MEPCE: variants seen among roughly 807,000 people sequenced by gnomAD.
MEPCE encodes methylphosphate capping enzyme.
Under a neutral mutation model 52.3 loss-of-function variants are expected in MEPCE, and 9 were observed. The ratio of observed to expected loss-of-function variants is 0.17; its 90% CI spans 0.10 to 0.30. The LOEUF is 0.30. Among genes scored for constraint, MEPCE ranks in the 10% least tolerant of loss-of-function variants. MEPCE has a pLI of 1.00. For missense variants in MEPCE, 826 were observed against 933.0 expected (o/e 0.89, Z 1.49); for synonymous variants, 477 against 401.6 (o/e 1.19, Z -2.25).
chr7:100,429,970 C>T lies in MEPCE; in HGVS notation c.-49C>T, dbSNP rs768887223. The stretch of plus-strand genomic sequence containing the variant: ...CAGGGTCCAGGCAGGGGGGGTTAGG[C>T]CCCCTGATCCCCCTCGTTACCCCGA... On this transcript the variant is annotated 5_prime_UTR_variant, in exon 1 of 4. Coordinates refer to ENST00000310512, the MANE Select transcript of MEPCE (RefSeq NM_019606.6). 318 of 1,207,928 alleles carry T rather than the reference C, an allele frequency of 2.6e-4. 1 individual carries two copies. In the African/African-American group the frequency reaches 4.3e-3, roughly 16 times the overall value. The allele number at this position is 1,207,928 out of a possible 1,614,324, so 74.8% of individuals were successfully genotyped here. A position where few individuals can be genotyped will look rare whatever the true frequency, so the allele number is the denominator to read the frequency against.
At position 100,431,238 on chromosome 7, in the gene MEPCE, A is replaced by G. The variant is rs1382211560; in HGVS notation, c.1220A>G (p.Lys407Arg). 2 of 1,613,984 alleles carry G rather than the reference A, an allele frequency of 1.2e-6. No homozygotes were observed. Among genetic ancestry groups the G allele is most frequent in the Non-Finnish European group, 8.5e-7 (1 of 1,180,034 alleles). Residue 407 changes from lysine (K) to arginine (R), a missense_variant, in exon 1 of 4, where the codon AAA becomes AGA. By Grantham distance (26) the Lys-to-Arg change is conservative (BLOSUM62 2). Coordinates refer to ENST00000310512, the MANE Select transcript of MEPCE (RefSeq NM_019606.6). ...CACCCACTGCCTGCAGCAGGCTTCAAAAAGCAACAGCGCAAGTTCCAGTAT... is the reference window on the plus strand; with the variant it reads ...CACCCACTGCCTGCAGCAGGCTTCAGAAAGCAACAGCGCAAGTTCCAGTAT... The part of the protein sequence containing the change: ...HHHPLPAAGF[K>R]KQQRKFQYGN...
In MEPCE at chr7:100,433,860, A is replaced by G. The variant is rs932292897; in HGVS notation, c.*306A>G. 2.5e-5 allele frequency: 10 copies of G among 394,264 alleles called. No individual in the cohort carries two copies. Among genetic ancestry groups the G allele is most frequent in the Admixed American group, 8.9e-5 (2 of 22,436 alleles). The allele number at this position is 394,264 out of a possible 1,614,324, so 24.4% of individuals were successfully genotyped here. A position where few individuals can be genotyped will look rare whatever the true frequency, so the allele number is the denominator to read the frequency against. On this transcript the variant is annotated 3_prime_UTR_variant, in exon 4 of 4. Transcript: ENST00000310512. ...GGGCATGGGAGGTGGGAGGATATCA[A>G]ATTCTCTAGCCCTTTCCTCCTATTC...
chr7:100,429,721 G>A, upstream of MEPCE: 1 of 320,936 alleles, frequency 3.1e-6, no homozygotes, highest in Non-Finnish European at 5.7e-6. Context: ...GTTCCCGGGC[G>A]AAGGGAACGC....
upstream of MEPCE, chr7:100,429,769 C>T (rs927332269): frequency 1.6e-5 from 6 of 378,908 alleles, no homozygotes; most frequent in Non-Finnish European, 2.3e-5. Context: ...GTGGTAGTGG[C>T]GGAGGAGAAA....
rs182556628 is a variant in MEPCE at position 100,433,700 on chromosome 7, C to T, written c.*146C>T. ...TCTGCAAAGAAAGCTTTTCTTCCGT[C>T]GCTGCCTCAGCCTCCTCCCTATGCC... On this transcript the variant is annotated 3_prime_UTR_variant, in exon 4 of 4. Transcript: ENST00000310512. The T allele has an allele frequency of 6.5e-5, 55 of 842,032 alleles. No homozygotes were observed. Among genetic ancestry groups the T allele is most frequent in the Admixed American group, 2.5e-4 (10 of 39,360 alleles). The allele number at this position is 842,032 out of a possible 1,614,324, so 52.2% of individuals were successfully genotyped here.
Position 100,430,077 on chromosome 7 carries a change from T to G in MEPCE, c.59T>G (p.Leu20Arg). 1 of 1,266,276 alleles carries G rather than the reference T, an allele frequency of 7.9e-7. No individual in the cohort carries two copies. The highest frequency in any genetic ancestry group is 9.9e-7 in the Non-Finnish European group (1 of 1,005,944). The allele number at this position is 1,266,276 out of a possible 1,614,324, so 78.4% of individuals were successfully genotyped here. The change falls in exon 1 of 4, where the codon CTC (leucine) becomes CGC (arginine). Residue 20 changes from leucine to arginine, a missense_variant. Physicochemically the swap from Leu to Arg is moderately radical, Grantham distance 102 (BLOSUM62 -2). This residue lies in a region of MEPCE where 314 missense variants were observed against 277.7 expected (regional missense o/e 1.13). Transcript: ENST00000310512. ...PFLVPAPPPP[L>R]KDESGGGGGP... The stretch of plus-strand genomic sequence containing the variant: ...CTGGTGCCGGCCCCGCCGCCGCCGC[T>G]CAAAGATGAGTCGGGCGGAGGGGGC...
chr7:100,433,417 G>C, intron 3 of MEPCE, 28 bp downstream of exon 3: 1 of 1,614,148 alleles, frequency 6.2e-7, no homozygotes. Context: ...TGTCAGGGAG[G>C]CTGGTCCTGG....
chr7:100,430,256 C>T lies in MEPCE; in HGVS notation c.238C>T (p.Pro80Ser), dbSNP rs1362816979. 32 of 1,368,164 alleles carry T rather than the reference C, an allele frequency of 2.3e-5. No individual in the cohort carries two copies. Among genetic ancestry groups the T allele is most frequent in the Non-Finnish European group, 2.8e-5 (30 of 1,065,994 alleles). The allele number at this position is 1,368,164 out of a possible 1,614,324, so 84.8% of individuals were successfully genotyped here. The part of the protein sequence containing the change: ...PGAAATSSSG[P>S]QAQQHRGGGP... The stretch of plus-strand genomic sequence containing the variant: ...GGCCGCGGCCACCTCCTCCAGTGGT[C>T]CCCAGGCGCAGCAGCACCGAGGGGG... Residue 80 changes from proline (P) to serine (S), a missense_variant, in exon 1 of 4, where the codon CCC becomes TCC. Coordinates refer to ENST00000310512, the MANE Select transcript of MEPCE (RefSeq NM_019606.6).
intron 1 of MEPCE, 42 bp downstream of exon 1, chr7:100,431,731 AAGATG>A (rs1222085018): frequency 6.7e-7 from 1 of 1,494,268 alleles, no homozygotes; most frequent in South Asian, 1.3e-5. Context: ...GCCAGGTGTG[AAGATG>A]AGATTAAATG....
rs1450163955 is a variant in MEPCE at position 100,433,908 on chromosome 7, T to C, written c.*354T>C. On this transcript the variant is annotated 3_prime_UTR_variant, in exon 4 of 4. Transcript: ENST00000310512. ...TTCTCCCAAGGAGAGAGATTCCCAT[T>C]TCTCCTCGGCCATTGTACCTAGCTC... 4.0e-6 allele frequency: 1 copy of C among 250,464 alleles called. No individual in the cohort carries two copies. Among genetic ancestry groups the C allele is most frequent in the Non-Finnish European group, 7.8e-6 (1 of 127,984 alleles). 15.5% of individuals were successfully genotyped at this position (250,464 alleles called of 1,614,324 possible). A position where few individuals can be genotyped will look rare whatever the true frequency, so the allele number is the denominator to read the frequency against.
In MEPCE at chr7:100,430,495, G is replaced by C; in HGVS notation, c.477G>C (p.Gly159=). 3 of 1,575,910 alleles carry C rather than the reference G, an allele frequency of 1.9e-6. No homozygotes were observed. The highest frequency in any genetic ancestry group is 2.6e-6 in the Non-Finnish European group (3 of 1,162,520). Residue 159 remains glycine, a synonymous_variant, in exon 1 of 4, where the codon GGG becomes GGC. Coordinates refer to ENST00000310512, the MANE Select transcript of MEPCE (RefSeq NM_019606.6). ...RRNSCNVGGG[G]GGFKHPAFKR... ...ATAGCTGTAATGTAGGGGGAGGCGG[G>C]GGAGGCTTCAAACATCCGGCCTTCA...
Position 100,430,546 on chromosome 7 carries a change from C to G in MEPCE, c.528C>G (p.Asp176Glu). The G allele has an allele frequency of 1.9e-6, 3 of 1,589,948 alleles. No homozygotes were observed. The highest frequency in any genetic ancestry group is 2.6e-6 in the Non-Finnish European group (3 of 1,168,144). Reference protein sequence around the residue: ...AFKRRRRVNSDCDSVLPSNFL... With the variant: ...AFKRRRRVNSECDSVLPSNFL... ...AGAGGCGCAGGCGGGTGAATTCGGA[C>G]TGTGACTCTGTGTTACCCTCCAACT... The change falls in exon 1 of 4, where the codon GAC (aspartate) becomes GAG (glutamate). Residue 176 changes from aspartate to glutamate, a missense_variant. Physicochemically the swap from Asp to Glu is conservative, Grantham distance 45. Transcript: ENST00000310512.
At position 100,430,840 on chromosome 7, in the gene MEPCE, G is replaced by A. The variant is rs1798655656; in HGVS notation, c.822G>A (p.Gln274=). 6.2e-7 allele frequency: 1 copy of A among 1,611,250 alleles called. No individual in the cohort carries two copies. Among genetic ancestry groups the A allele is most frequent in the African/African-American group, 1.3e-5 (1 of 74,890 alleles). ...RHRGQHHQQQ[Q]AAGGSESHPV... ...GGGGACAGCACCACCAGCAGCAGCAGGCAGCCGGAGGGAGTGAGAGTCACC... is the reference window on the plus strand; with the variant it reads ...GGGGACAGCACCACCAGCAGCAGCAAGCAGCCGGAGGGAGTGAGAGTCACC... Residue 274 remains glutamine (Q), a synonymous_variant, in exon 1 of 4, where the codon CAG becomes CAA. Coordinates refer to ENST00000310512, the MANE Select transcript of MEPCE (RefSeq NM_019606.6).
At position 100,433,864 on chromosome 7, in the gene MEPCE, C is replaced by G. The variant is rs1215672806; in HGVS notation, c.*310C>G. 5 of 430,256 alleles carry G rather than the reference C, an allele frequency of 1.2e-5. No individual in the cohort carries two copies. The highest frequency in any genetic ancestry group is 1.0e-4 in the South Asian group (3 of 29,142). 26.7% of individuals were successfully genotyped at this position (430,256 alleles called of 1,614,324 possible). A position where few individuals can be genotyped will look rare whatever the true frequency, so the allele number is the denominator to read the frequency against. On this transcript the variant is annotated 3_prime_UTR_variant, in exon 4 of 4. Coordinates refer to ENST00000310512, the MANE Select transcript of MEPCE (RefSeq NM_019606.6). ...ATGGGAGGTGGGAGGATATCAAATTCTCTAGCCCTTTCCTCCTATTCTCCC... is the reference window on the plus strand; with the variant it reads ...ATGGGAGGTGGGAGGATATCAAATTGTCTAGCCCTTTCCTCCTATTCTCCC...
At chr7:100,432,867 C>T (rs1696023093) in intron 1 of MEPCE, 52 bp from the exon 2 acceptor site, 2 of 1,549,720 alleles carry the variant, frequency 1.3e-6, no homozygotes, top group Non-Finnish European at 1.8e-6. Flanking sequence ...TGCCTGGGAG[C>T]AGGGGTTCTT....
At position 100,431,158 on chromosome 7, in the gene MEPCE, C is replaced by A; in HGVS notation, c.1140C>A (p.Gly380=). The change falls in exon 1 of 4, where the codon GGC becomes GGA. Residue 380 remains glycine (G), a synonymous_variant. Transcript: ENST00000310512. The part of the protein sequence containing the change: ...SKSEAGARGG[G]QGSKEKGRGS... Reference sequence around the variant, plus strand: ...CGGAGGCAGGGGCTAGGGGTGGAGGCCAGGGTTCCAAGGAAAAGGGCCGAG... The same window carrying A: ...CGGAGGCAGGGGCTAGGGGTGGAGGACAGGGTTCCAAGGAAAAGGGCCGAG... 1 of 1,613,646 alleles carries A rather than the reference C, an allele frequency of 6.2e-7. No homozygotes were observed. The highest frequency in any genetic ancestry group is 8.5e-7 in the Non-Finnish European group (1 of 1,180,022).
rs1330281989 is a variant in MEPCE at position 100,433,797 on chromosome 7, T to G, written c.*243T>G. On this transcript the variant is annotated 3_prime_UTR_variant, in exon 4 of 4. Transcript: ENST00000310512. The stretch of plus-strand genomic sequence containing the variant: ...CTTCCTCTCCCCCAGCCTCCCAGGC[T>G]GGATGGCATGGACTGTTTGCTGACC... 1 of 574,076 alleles carries G rather than the reference T, an allele frequency of 1.7e-6. No individual in the cohort carries two copies. The highest frequency in any genetic ancestry group is 1.9e-5 in the African/African-American group (1 of 53,410). The allele number at this position is 574,076 out of a possible 1,614,324, so 35.6% of individuals were successfully genotyped here. A position where few individuals can be genotyped will look rare whatever the true frequency, so the allele number is the denominator to read the frequency against.
Position 100,433,706 on chromosome 7 carries a change from C to G in MEPCE, c.*152C>G. 1 of 768,078 alleles carries G rather than the reference C, an allele frequency of 1.3e-6. No individual in the cohort carries two copies. The highest frequency in any genetic ancestry group is 2.1e-6 in the Non-Finnish European group (1 of 478,046). The allele number at this position is 768,078 out of a possible 1,614,324, so 47.6% of individuals were successfully genotyped here. On this transcript the variant is annotated 3_prime_UTR_variant, in exon 4 of 4. Transcript: ENST00000310512. ...AAGAAAGCTTTTCTTCCGTCGCTGC[C>G]TCAGCCTCCTCCCTATGCCTCTGGC...
In MEPCE at chr7:100,430,356, G is replaced by T. The variant is rs1234574179; in HGVS notation, c.338G>T (p.Gly113Val). The T allele has an allele frequency of 1.5e-5, 22 of 1,435,882 alleles. No homozygotes were observed. Among genetic ancestry groups the T allele is most frequent in the Non-Finnish European group, 2.0e-5 (22 of 1,097,154 alleles). The allele number at this position is 1,435,882 out of a possible 1,614,324, so 88.9% of individuals were successfully genotyped here. The change falls in exon 1 of 4, where the codon GGG (glycine) becomes GTG (valine). Residue 113 changes from glycine to valine, a missense_variant. Physicochemically the swap from Gly to Val is moderately radical, Grantham distance 109. Coordinates refer to ENST00000310512, the MANE Select transcript of MEPCE (RefSeq NM_019606.6). The stretch of plus-strand genomic sequence containing the variant: ...GGGCGAGCCGCTCCCCCGGACGTGG[G>T]GGAGGAGCGCCGGGGAGGGGGCGGG... Reference protein sequence around the residue: ...PPGRAAPPDVGEERRGGGGTE... With the variant: ...PPGRAAPPDVVEERRGGGGTE...
Sources: gnomAD v4.1 joint callset for allele counts on GRCh38, gnomAD v4.1.1 for gene constraint, gnomAD v4.1.1 regional missense constraint, MANE v1.5 for transcripts, NCBI Gene and HGNC (gene_info 2026-07-23, HGNC 2026-07-21) for gene names.